The following GRXCR1 variants were observed in gnomAD, a reference collection of about 807,000 sequenced individuals.
GRXCR1 encodes the protein glutaredoxin and cysteine rich domain containing 1, also known as glutaredoxin domain-containing cysteine-rich protein 1.
Under a neutral mutation model 27.3 loss-of-function variants are expected in GRXCR1, and 27 were observed. The ratio of observed to expected loss-of-function variants is 0.99; its 90% confidence interval spans 0.73 to 1.37. The LOEUF is 1.37. Among genes scored for constraint, GRXCR1 ranks in the 40% most tolerant of loss-of-function variants. The probability of loss-of-function intolerance (pLI) is 0.00; values close to 1 mark genes in which losing one functional copy is unlikely to be tolerated. For missense variants in GRXCR1, 379 were observed against 354.4 expected, an observed-to-expected ratio of 1.07 and a Z score of -0.56; for synonymous variants, 122 against 131.1, an observed-to-expected ratio of 0.93 and a Z score of 0.47.
At chr4:42,956,091 A>G (rs1444977978) in intron 1 of GRXCR1, among the ~76,000 whole-genome samples, 1 of 152,018 alleles carries the variant, frequency 6.6e-6, no homozygotes. Context: ...TAGGTTAGCT[A>G]TTTGGTAACT....
chr4:43,004,141 G>A (rs1342322813), intron 2 of GRXCR1, among the ~76,000 whole-genome samples: 1 of 152,236 alleles, frequency 6.6e-6, no homozygotes, highest in Non-Finnish European at 1.5e-5. Context: ...ATGACTAAAA[G>A]GGGACAAGGT....
chr4:42,997,615 C>G (rs909024246), intron 2 of GRXCR1, among the ~76,000 whole-genome samples: 1 of 152,194 alleles, frequency 6.6e-6, no homozygotes, highest in East Asian at 1.9e-4. Flanking sequence ...CTCCTCCCCA[C>G]AGTCACCTCC....
At chr4:42,996,623 G>A (rs1477335590) in intron 2 of GRXCR1, among the ~76,000 whole-genome samples, 1 of 151,580 alleles carries the variant, frequency 6.6e-6, no homozygotes, top group Non-Finnish European at 1.5e-5. Flanking sequence ...TTTTCAAATA[G>A]TCTATTCCAT....
At chr4:42,963,722 A>G (rs2109775501) in intron 2 of GRXCR1, among the ~76,000 whole-genome samples, 2 of 152,078 alleles carry the variant, frequency 1.3e-5, no homozygotes, top group South Asian at 4.1e-4. Flanking sequence ...TCTTTGAATA[A>G]TATTGTTAGT....
intron 2 of GRXCR1, among the ~76,000 whole-genome samples, chr4:42,967,839 C>T (rs896044338): frequency 2.6e-5 from 4 of 152,072 alleles, no homozygotes; most frequent in African/African-American, 9.7e-5. Flanking sequence ...AGTGTTTGGT[C>T]TAAAGCTAAC....
Position 42,904,367 on chromosome 4 carries a change from A to G in GRXCR1, c.384+10717A>G, listed in dbSNP as rs369064447. 4.2e-4 allele frequency among the ~76,000 whole-genome samples: 64 copies of G among 152,302 alleles called. 2 individuals are homozygous for G. In the South Asian group the frequency reaches 9.5e-3, roughly 23 times the overall value. On this transcript the variant is annotated intron_variant, in intron 1 of 3. Coordinates refer to ENST00000399770, the MANE Select transcript of GRXCR1 (RefSeq NM_001080476.3). ...ATTCTTAGGAGCAAGAGAAAACCTA[A>G]GTTCTAGAAATCAAAGCCCCCCTTT...
chr4:43,014,502 T>A (rs1371146353), intron 2 of GRXCR1, among the ~76,000 whole-genome samples: 1 of 152,148 alleles, frequency 6.6e-6, no homozygotes, highest in Non-Finnish European at 1.5e-5. Context: ...AGCAGAAGGA[T>A]CCTTTATCAG....
At chr4:42,894,573 G>A (rs1251922288) in intron 1 of GRXCR1, among the ~76,000 whole-genome samples, 1 of 152,110 alleles carries the variant, frequency 6.6e-6, no homozygotes, top group African/African-American at 2.4e-5. Context: ...TGTGAGTGGT[G>A]AAGAGAGAGG....
intron 2 of GRXCR1, among the ~76,000 whole-genome samples, chr4:43,000,083 T>C (rs1365889025): frequency 6.6e-6 from 1 of 152,210 alleles, no homozygotes; most frequent in Non-Finnish European, 1.5e-5. Flanking sequence ...CTGAGTAGTA[T>C]GATAAAATCT....
At chr4:43,013,682 G>A (rs184806616) in intron 2 of GRXCR1, among the ~76,000 whole-genome samples, 1 of 152,298 alleles carries the variant, frequency 6.6e-6, no homozygotes, top group Non-Finnish European at 1.5e-5. Flanking sequence ...ATCAGTTTAT[G>A]CAAAGAGAAT....
chr4:42,977,660 A>C (rs1259533128), intron 2 of GRXCR1, among the ~76,000 whole-genome samples: 1 of 151,924 alleles, frequency 6.6e-6, no homozygotes, highest in East Asian at 1.9e-4. Flanking sequence ...ATGGAATTAA[A>C]AAAAATTGTT....
chr4:42,993,005 A>T (rs1434723331), intron 2 of GRXCR1, among the ~76,000 whole-genome samples: 1 of 152,098 alleles, frequency 6.6e-6, no homozygotes, highest in Non-Finnish European at 1.5e-5. Context: ...AGCAAACACC[A>T]CACATCCTCA....
intron 1 of GRXCR1, among the ~76,000 whole-genome samples, chr4:42,923,489 A>G (rs1747070428): frequency 6.6e-6 from 1 of 152,130 alleles, no homozygotes; most frequent in South Asian, 2.1e-4. Flanking sequence ...AAAATGGACT[A>G]TTTATCCAAA....
chr4:42,899,657 A>G (rs1746421591), intron 1 of GRXCR1, among the ~76,000 whole-genome samples: 1 of 152,126 alleles, frequency 6.6e-6, no homozygotes, highest in African/African-American at 2.4e-5. Flanking sequence ...AATGACTTTT[A>G]TCTTGATCCT....
At chr4:42,913,557 T>A (rs1746811996) in intron 1 of GRXCR1, among the ~76,000 whole-genome samples, 1 of 152,192 alleles carries the variant, frequency 6.6e-6, no homozygotes, top group East Asian at 1.9e-4. Flanking sequence ...TCAAGAGGAA[T>A]TGGAGCATGA....
At chr4:42,931,882 C>T (rs1174418379) in intron 1 of GRXCR1, among the ~76,000 whole-genome samples, 3 of 152,052 alleles carry the variant, frequency 2.0e-5, no homozygotes, top group African/African-American at 4.8e-5. Context: ...TTAATTGACC[C>T]ACAGTTCCAC....
intron 3 of GRXCR1, among the ~76,000 whole-genome samples, chr4:43,025,283 A>T (rs1376643059): frequency 6.6e-6 from 1 of 152,182 alleles, no homozygotes; most frequent in Non-Finnish European, 1.5e-5. Context: ...CCTATCCAAG[A>T]CTCAGGGGTG....
rs182041328 is a variant in GRXCR1, at chr4:42,960,841, A to C, written c.385-2051A>C. ...CAAGCTTATCCTCTCCTTTTTTAAA[A>C]TTTTAATTTTAATTTTAAGTTCTGG... On this transcript the variant is annotated intron_variant, in intron 1 of 3. Transcript: ENST00000399770. 2.8e-3 allele frequency among the ~76,000 whole-genome samples: 430 copies of C among 151,864 alleles called. 9 individuals carry two copies. Among genetic ancestry groups the C allele is most frequent in the Non-Finnish European group, 9.4e-4 (64 of 67,864 alleles).
At chr4:42,980,249 T>C (rs1577929801) in intron 2 of GRXCR1, among the ~76,000 whole-genome samples, 1 of 143,224 alleles carries the variant, frequency 7.0e-6, no homozygotes, top group African/African-American at 2.4e-5. Context: ...TTATTTGAGA[T>C]CTTTCTTCTT....
Sources: allele counts gnomAD v4.1 joint callset (sites outside exome capture counted in the v4.1 genomes callset), GRCh38; gene constraint gnomAD v4.1.1; transcripts MANE v1.5; gene names NCBI Gene and HGNC (gene_info 2026-07-23, HGNC 2026-07-21).